PCDHGA1: variants seen among roughly 807,000 people sequenced by gnomAD.
The protein encoded by PCDHGA1 is protocadherin gamma subfamily A, 1.
A neutral mutation model predicts 58.0 loss-of-function variants in PCDHGA1; 32 were observed. The observed-to-expected ratio is 0.55, with a 90% CI of 0.42 to 0.74. The LOEUF is 0.74. Ranked by LOEUF, PCDHGA1 falls within the 30% of genes least tolerant of loss-of-function variation. The pLI, the probability that PCDHGA1 is intolerant of heterozygous loss-of-function variation, is 0.00. For synonymous variants in PCDHGA1, 498 were observed against 501.1 expected (o/e 0.99, Z 0.08); for missense variants, 1,205 against 1,182.3 (o/e 1.02, Z -0.28).
At chr5:141,397,706 T>G (rs2093559040) in intron 1 of PCDHGA1, among the ~76,000 whole-genome samples, 1 of 152,246 alleles carries the variant, frequency 6.6e-6, no homozygotes, top group African/African-American at 2.4e-5. Flanking sequence ...CAACGTGATA[T>G]TTCTAACAAT....
intron 2 of PCDHGA1, among the ~76,000 whole-genome samples, chr5:141,502,500 G>A (rs1398797155): frequency 6.6e-6 from 1 of 152,046 alleles, no homozygotes; most frequent in Non-Finnish European, 1.5e-5. Context: ...ATCTAACGTC[G>A]GCCTGTCCCA....
intron 1 of PCDHGA1, among the ~76,000 whole-genome samples, chr5:141,474,243 G>GA (rs1161758975): frequency 2.6e-5 from 4 of 152,050 alleles, no homozygotes; most frequent in Admixed American, 1.3e-4. Context: ...CTGAATAGGG[G>GA]AAAAAAAGAC....
intron 1 of PCDHGA1, chr5:141,345,529 C>A (rs768093121): frequency 8.7e-6 from 14 of 1,614,048 alleles, no homozygotes; most frequent in African/African-American, 4.0e-5. Context: ...CTCCAGGGGG[C>A]GCCCCTGTCC....
intron 1 of PCDHGA1, chr5:141,360,663 G>A: frequency 6.2e-7 from 1 of 1,613,928 alleles, no homozygotes; most frequent in South Asian, 1.1e-5. Context: ...ATGACAACGA[G>A]TACTTTGATC....
At chr5:141,355,411 A>G (rs1759844288) in intron 1 of PCDHGA1, 3 of 1,613,986 alleles carry the variant, frequency 1.9e-6, no homozygotes, top group African/African-American at 2.7e-5. Context: ...CTCCAGAGGT[A>G]GGACGCAGCT....
In PCDHGA1 at chr5:141,350,137, G is replaced by T. The variant is rs1758414298; in HGVS notation, c.2421+17032G>T. 1.3e-5 allele frequency: 10 copies of T among 769,996 alleles called. 1 individual carries two copies. In the South Asian group the frequency reaches 3.3e-4, roughly 26 times the overall value. 47.7% of individuals were successfully genotyped at this position (769,996 alleles called of 1,614,324 possible). A position where few individuals can be genotyped will look rare whatever the true frequency, so the allele number is the denominator to read the frequency against. ...GTCCGGTGCACTGAGCACAGACGCT[G>T]CTCCTGTTCACCCTCGAGCGCCTAA... On this transcript the variant is annotated intron_variant, in intron 1 of 3. Coordinates refer to ENST00000517417, the MANE Select transcript of PCDHGA1 (RefSeq NM_018912.3).
Position 141,487,820 on chromosome 5 carries a change from G to A in PCDHGA1, c.2422-6987G>A, listed in dbSNP as rs1024593393. 8 of 1,293,652 alleles carry A rather than the reference G, an allele frequency of 6.2e-6. No individual in the cohort carries two copies. The highest frequency in any genetic ancestry group is 3.7e-4 in the Middle Eastern group (2 of 5,382). 80.1% of individuals were successfully genotyped at this position (1,293,652 alleles called of 1,614,324 possible). A position where few individuals can be genotyped will look rare whatever the true frequency, so the allele number is the denominator to read the frequency against. On this transcript the variant is annotated intron_variant, in intron 1 of 3. Transcript: ENST00000517417. This position sits in a 1 kb window ranked among gnomAD's most constrained non-coding sequence, Gnocchi z 5.0. ...GTTGTCACAGTTTAGCATTGGGGGC[G>A]GGTCATGCCTATATCTGAGTAAGAA...
intron 1 of PCDHGA1, chr5:141,409,740 T>C: frequency 6.2e-7 from 1 of 1,612,820 alleles, no homozygotes; most frequent in Non-Finnish European, 8.5e-7. Context: ...CAGAGCGGGG[T>C]GGTGTTCGCG....
chr5:141,447,954 C>T (rs927510517), intron 1 of PCDHGA1, among the ~76,000 whole-genome samples: 11 of 151,814 alleles, frequency 7.2e-5, no homozygotes, highest in Non-Finnish European at 1.2e-4. Flanking sequence ...GGCATGGTGG[C>T]GGACACCTAT....
intron 1 of PCDHGA1, chr5:141,412,671 A>T (rs1335241581): frequency 6.6e-6 from 1 of 152,290 alleles, no homozygotes; most frequent in Non-Finnish European, 1.5e-5. Flanking sequence ...AATATGACCT[A>T]AAATAAGTAT....
At chr5:141,478,468 C>A (rs2099457906) in intron 1 of PCDHGA1, 2 of 1,613,800 alleles carry the variant, frequency 1.2e-6, no homozygotes, top group Admixed American at 1.7e-5. Flanking sequence ...CACTGGCCAG[C>A]CGCCAGAACA....
At chr5:141,372,786 TC>T in intron 1 of PCDHGA1, 1 of 1,605,598 alleles carries the variant, frequency 6.2e-7, no homozygotes, top group Non-Finnish European at 8.5e-7. Context: ...AGAAATGCCT[TC>T]TAATTCAGGC....
At chr5:141,390,008 C>G in intron 1 of PCDHGA1, 1 of 1,614,038 alleles carries the variant, frequency 6.2e-7, no homozygotes, top group South Asian at 1.1e-5. Context: ...TGATTCTGGC[C>G]ATTGCCTTGC....
chr5:141,376,293 G>C lies in PCDHGA1; in HGVS notation c.2421+43188G>C, dbSNP rs189836587. 8,405 of 1,614,188 alleles carry C rather than the reference G, an allele frequency of 5.2e-3. 27 individuals carry two copies. Among genetic ancestry groups the C allele is most frequent in the Non-Finnish European group, 6.0e-3 (7,034 of 1,180,042 alleles). On this transcript the variant is annotated intron_variant, in intron 1 of 3. Transcript: ENST00000517417. ...GGAGGTGGCTTAGCGAGCATGCCCG[G>C]CTCGCACTTTGTGGGCGTGGAAGGG...
At chr5:141,403,507 A>G (rs373170550) in intron 1 of PCDHGA1, 1 of 1,614,006 alleles carries the variant, frequency 6.2e-7, no homozygotes, top group Non-Finnish European at 8.5e-7. Context: ...TGCAGACTGG[A>G]GACAATGGAG....
intron 1 of PCDHGA1, among the ~76,000 whole-genome samples, chr5:141,482,689 C>T (rs145383957): frequency 7.1e-6 from 1 of 140,984 alleles, no homozygotes; most frequent in East Asian, 1.9e-4. Flanking sequence ...GCTTGTCAGA[C>T]AGTAAAGGGG....
Position 141,487,413 on chromosome 5 carries a change from A to G in PCDHGA1, c.2422-7394A>G, listed in dbSNP as rs1562119204. The G allele has an allele frequency of 1.2e-6, 2 of 1,614,172 alleles. No homozygotes were observed. The highest frequency in any genetic ancestry group is 2.2e-5 in the East Asian group (1 of 44,862). ...AGGAGGGAGGGGCTTCCCCCTTCCA[A>G]TGGGATCCTCCGAATCCAGCTAGGG... On this transcript the variant is annotated intron_variant, in intron 1 of 3. Coordinates refer to ENST00000517417, the MANE Select transcript of PCDHGA1 (RefSeq NM_018912.3). This position sits in a 1 kb window ranked among gnomAD's most constrained non-coding sequence, Gnocchi z 5.0.
At position 141,332,652 on chromosome 5, in the gene PCDHGA1, C is replaced by T; in HGVS notation, c.1968C>T (p.Ala656=). The stretch of plus-strand genomic sequence containing the variant: ...ACCACGGCCAGCCCCCGCTCTCCGC[C>T]ACTGTCACGCTCACCGTGGCCGTGG... ...VQDHGQPPLS[A]TVTLTVAVAD... The change falls in exon 1 of 4, where the codon GCC becomes GCT. Residue 656 remains alanine (A), a synonymous_variant. Coordinates refer to ENST00000517417, the MANE Select transcript of PCDHGA1 (RefSeq NM_018912.3). This position sits in a 1 kb window ranked among gnomAD's most constrained non-coding sequence, Gnocchi z 4.6. 6.2e-7 allele frequency: 1 copy of T among 1,613,260 alleles called. No homozygotes were observed. Among genetic ancestry groups the T allele is most frequent in the Non-Finnish European group, 8.5e-7 (1 of 1,179,786 alleles).
rs748828282 is a variant in PCDHGA1 at position 141,491,412 on chromosome 5, C to T, written c.2422-3395C>T. The T allele has an allele frequency of 3.1e-6, 5 of 1,613,944 alleles. No homozygotes were observed. The African/African-American group carries it at 5.3e-5, about 17-fold the overall frequency. Reference sequence around the variant, plus strand: ...GCCTTCAGGGAAACGCAGACGGGGACGGGGGTGGAGGGCAGTGCTGCAGGC... The same window carrying T: ...GCCTTCAGGGAAACGCAGACGGGGATGGGGGTGGAGGGCAGTGCTGCAGGC... On this transcript the variant is annotated intron_variant, in intron 1 of 3. Coordinates refer to ENST00000517417, the MANE Select transcript of PCDHGA1 (RefSeq NM_018912.3). The surrounding 1 kb of genome is among the most constrained non-coding windows in gnomAD (Gnocchi z 6.9).
Sources: gnomAD v4.1 joint callset for allele counts (sites outside exome capture counted in the v4.1 genomes callset) on GRCh38, gnomAD v4.1.1 for gene constraint, Gnocchi (gnomAD v3.1) non-coding constraint, MANE v1.5 for transcripts, NCBI Gene and HGNC (gene_info 2026-07-23, HGNC 2026-07-21) for gene names.